The following WDR70 variants were observed in gnomAD, a reference collection of about 807,000 sequenced individuals.
WDR70 encodes WD repeat domain 70, also known as WD repeat-containing protein 70.
Under a neutral mutation model 88.6 loss-of-function variants are expected in WDR70, and 53 were observed. That is an observed-to-expected ratio of 0.60 (90% CI 0.48 to 0.75). The LOEUF is 0.75. Ranked by LOEUF, WDR70 falls within the 30% of genes least tolerant of loss-of-function variation. The probability of loss-of-function intolerance (pLI) is 0.00; values close to 1 mark genes in which losing one functional copy is unlikely to be tolerated. For synonymous variants in WDR70, 280 were observed against 270.0 expected (o/e 1.04, Z -0.36); for missense variants, 610 against 823.2 (o/e 0.74, Z 3.17).
intron 9 of WDR70, among the ~76,000 whole-genome samples, chr5:37,556,224 C>G (rs1742292180): frequency 6.6e-6 from 1 of 151,390 alleles, no homozygotes; most frequent in Non-Finnish European, 1.5e-5. Flanking sequence ...TCCCACTTTC[C>G]AAAGAATTTA....
intron 5 of WDR70, among the ~76,000 whole-genome samples, chr5:37,409,935 T>C (rs1181685211): frequency 6.6e-6 from 1 of 152,126 alleles, no homozygotes; most frequent in Non-Finnish European, 1.5e-5. Flanking sequence ...TTCAAAGACA[T>C]GTCAAATCTT....
chr5:37,551,981 A>G (rs1161998462), intron 9 of WDR70, among the ~76,000 whole-genome samples: 5 of 151,956 alleles, frequency 3.3e-5, no homozygotes, highest in Non-Finnish European at 7.4e-5. Flanking sequence ...CATGTTGGCC[A>G]GGCTGGTTTC....
intron 10 of WDR70, among the ~76,000 whole-genome samples, chr5:37,658,780 G>T (rs543877911): frequency 1.3e-5 from 2 of 152,126 alleles, no homozygotes; most frequent in Admixed American, 1.3e-4. Context: ...CAAAAGTCCA[G>T]ATTTTTGACA....
At chr5:37,654,705 C>G (rs1745501812) in intron 10 of WDR70, among the ~76,000 whole-genome samples, 1 of 152,184 alleles carries the variant, frequency 6.6e-6, no homozygotes, top group African/African-American at 2.4e-5. Context: ...TATGTAATGG[C>G]CTTCTTTGTC....
intron 10 of WDR70, among the ~76,000 whole-genome samples, chr5:37,664,706 CATT>C (rs1745791113): frequency 1.3e-5 from 2 of 152,214 alleles, no homozygotes; most frequent in South Asian, 2.1e-4. Context: ...AGACAGATCT[CATT>C]GTTGGGTAAG....
intron 3 of WDR70, among the ~76,000 whole-genome samples, chr5:37,388,309 G>A (rs555854993): frequency 6.6e-6 from 1 of 150,928 alleles, no homozygotes. Context: ...GTAGAGACGG[G>A]GTTTCACCAT....
chr5:37,505,676 C>T, intron 8 of WDR70: 1 of 833,898 alleles, frequency 1.2e-6, no homozygotes, highest in Non-Finnish European at 2.1e-6. Flanking sequence ...CTTCCTCTAG[C>T]CCCTAAAATT....
intron 9 of WDR70, among the ~76,000 whole-genome samples, chr5:37,541,034 C>T (rs1455027513): frequency 6.6e-6 from 1 of 152,120 alleles, no homozygotes; most frequent in African/African-American, 2.4e-5. Context: ...TATCAAACAC[C>T]TTCTATGTGT....
intron 5 of WDR70, among the ~76,000 whole-genome samples, chr5:37,417,454 G>A (rs1364815068): frequency 6.6e-6 from 1 of 151,754 alleles, no homozygotes; most frequent in Non-Finnish European, 1.5e-5. Flanking sequence ...CGAACTCCTG[G>A]GCTCAGGTGA....
At chr5:37,663,705 T>C (rs1276675821) in intron 10 of WDR70, among the ~76,000 whole-genome samples, 1 of 152,170 alleles carries the variant, frequency 6.6e-6, no homozygotes, top group African/African-American at 2.4e-5. Flanking sequence ...TTTGTGCCCT[T>C]GTATGTATCT....
chr5:37,450,154 G>A lies in WDR70; in HGVS notation c.686+6782G>A, dbSNP rs941837868. ...TCTTTATCCAGTCTATCATTGATGG[G>A]CATTTGGGTTGGTTCCAAGTCTTTG... On this transcript the variant is annotated intron_variant, in intron 7 of 17. Coordinates refer to ENST00000265107, the MANE Select transcript of WDR70 (RefSeq NM_018034.4). Among the ~76,000 whole-genome samples, 9 of 152,180 alleles carry A rather than the reference G, an allele frequency of 5.9e-5. No homozygotes were observed. The East Asian group carries it at 1.5e-3, about 26-fold the overall frequency.
At chr5:37,703,378 C>G (rs1404416512) in intron 13 of WDR70, among the ~76,000 whole-genome samples, 2 of 152,122 alleles carry the variant, frequency 1.3e-5, no homozygotes, top group African/African-American at 4.8e-5. Flanking sequence ...ATGTAGGATA[C>G]AGAAAGGAGC....
intron 13 of WDR70, among the ~76,000 whole-genome samples, chr5:37,709,403 T>A (rs1033221962): frequency 2.0e-5 from 3 of 152,188 alleles, no homozygotes; most frequent in Non-Finnish European, 2.9e-5. Context: ...GAGTAACATA[T>A]TTGTATTTAA....
At chr5:37,447,998 A>G (rs1049224836) in intron 7 of WDR70, among the ~76,000 whole-genome samples, 1 of 152,188 alleles carries the variant, frequency 6.6e-6, no homozygotes, top group Non-Finnish European at 1.5e-5. Flanking sequence ...ACCCTGAAAT[A>G]TAGTTACTAC....
chr5:37,600,388 G>T (rs1338599392), intron 9 of WDR70, among the ~76,000 whole-genome samples: 2 of 151,980 alleles, frequency 1.3e-5, no homozygotes, highest in Non-Finnish European at 2.9e-5. Flanking sequence ...TTAGCCGGCC[G>T]TGGTGGCGGG....
At chr5:37,672,168 G>A (rs552772662) in intron 10 of WDR70, among the ~76,000 whole-genome samples, 1 of 152,214 alleles carries the variant, frequency 6.6e-6, no homozygotes, top group East Asian at 1.9e-4. Context: ...CAATTAACCA[G>A]GGTCACAGTG....
intron 9 of WDR70, among the ~76,000 whole-genome samples, chr5:37,522,197 GCATGGTGGCTCATGGCT>G (rs1581362188): frequency 6.6e-6 from 1 of 152,030 alleles, no homozygotes; most frequent in Non-Finnish European, 1.5e-5. Context: ...TTTTGGCTGG[GCATGGTGGCTCATGGCT>G]GTAATCCCAG....
intron 9 of WDR70, among the ~76,000 whole-genome samples, chr5:37,577,474 G>A (rs76854322): frequency 2.2e-3 from 334 of 152,182 alleles, no homozygotes; most frequent in Non-Finnish European, 3.3e-3. Flanking sequence ...TACCTTGCCA[G>A]CCAATCAATC....
intron 5 of WDR70, among the ~76,000 whole-genome samples, chr5:37,435,338 G>A (rs532156776): frequency 6.6e-6 from 1 of 152,236 alleles, no homozygotes; most frequent in South Asian, 2.1e-4. Flanking sequence ...TATTATCTTG[G>A]TTCTTGCAAG....
Sources: allele counts gnomAD v4.1 joint callset (sites outside exome capture counted in the v4.1 genomes callset), GRCh38; gene constraint gnomAD v4.1.1; transcripts MANE v1.5; gene names NCBI Gene and HGNC (gene_info 2026-07-23, HGNC 2026-07-21).